The following PLEKHM1 variants were observed in gnomAD, a reference collection of about 807,000 sequenced individuals.
PLEKHM1 encodes the protein pleckstrin homology domain-containing family M member 1.
Under a neutral mutation model 94.3 loss-of-function variants are expected in PLEKHM1, and 28 were observed. The observed-to-expected ratio is 0.30, with a 90% CI of 0.22 to 0.41. The LOEUF (loss-of-function observed/expected upper bound fraction) is 0.41. Ranked by LOEUF, PLEKHM1 falls within the 10% of genes least tolerant of loss-of-function variation. The pLI, the probability that PLEKHM1 is intolerant of heterozygous loss-of-function variation, is 1.00. For synonymous variants in PLEKHM1, 424 were observed against 581.2 expected, an observed-to-expected ratio of 0.73 and a Z score of 3.89; for missense variants, 907 against 1,358.6, an observed-to-expected ratio of 0.67 and a Z score of 5.22.
In PLEKHM1 at chr17:45,475,664, G is replaced by T; in HGVS notation, c.359C>A (p.Ala120Glu). ...FVNTDVGRCRAWLRLALNDGL... is the reference protein window; with the variant it reads ...FVNTDVGRCREWLRLALNDGL... Reference sequence around the variant, plus strand: ...ATCGTTCAGGGCCAGCCGCAGCCATGCCCGGCAGCGGCCCACATCCGTGTT... The same window carrying T: ...ATCGTTCAGGGCCAGCCGCAGCCATTCCCGGCAGCGGCCCACATCCGTGTT... The change falls in exon 4 of 12, where the codon GCA (alanine) becomes GAA (glutamate). Residue 120 changes from alanine (A) to glutamate (E), a missense_variant. This residue lies in a region of PLEKHM1 where 176 missense variants were observed against 306.0 expected (regional missense o/e 0.58). Coordinates refer to ENST00000430334, the MANE Select transcript of PLEKHM1 (RefSeq NM_014798.3). 6.2e-7 allele frequency: 1 copy of T among 1,613,924 alleles called. No individual in the cohort carries two copies. The highest frequency in any genetic ancestry group is 8.5e-7 in the Non-Finnish European group (1 of 1,179,956).
intron 5 of PLEKHM1, among the ~76,000 whole-genome samples, chr17:45,461,823 C>T (rs1162069839): frequency 6.6e-6 from 1 of 152,080 alleles, no homozygotes; most frequent in Non-Finnish European, 1.5e-5. Context: ...GATGGGGTTG[C>T]GGGGAGCATC....
At chr17:45,482,618 T>G in intron 1 of PLEKHM1, 93 bp from the exon 2 acceptor site, 4 of 739,346 alleles carry the variant, frequency 5.4e-6, no homozygotes, top group Non-Finnish European at 9.8e-6. Context: ...CAGCCTCTCT[T>G]ACTCAAACTG....
At position 45,475,457 on chromosome 17, in the gene PLEKHM1, G is replaced by A. The variant is rs764148119; in HGVS notation, c.566C>T (p.Thr189Met). ...CCCAGACAGGGCCAATGGGGTGAGC[G>A]TCCACTCATTTAAGATGGCAGACTT... ...SYKSAILNEW[T>M]LTPLALSGLC... Residue 189 changes from threonine (T) to methionine (M), a missense_variant, in exon 4 of 12, where the codon ACG (threonine) becomes ATG (methionine). Thr to Met is a moderately conservative substitution (Grantham distance 81). Coordinates refer to ENST00000430334, the MANE Select transcript of PLEKHM1 (RefSeq NM_014798.3). 3.7e-6 allele frequency: 6 copies of A among 1,611,768 alleles called. No individual in the cohort carries two copies. The highest frequency in any genetic ancestry group is 3.3e-5 in the Admixed American group (2 of 59,938).
intron 11 of PLEKHM1, among the ~76,000 whole-genome samples, chr17:45,438,864 T>C (rs2050352056): frequency 1.3e-5 from 2 of 152,170 alleles, no homozygotes; most frequent in South Asian, 2.1e-4. Context: ...GCCAAGATGG[T>C]ATAATTTTAA....
Position 45,458,284 on chromosome 17 carries a change from G to C in PLEKHM1, c.1464C>G (p.Asn488Lys). The C allele has an allele frequency of 1.9e-6, 3 of 1,612,330 alleles. No homozygotes were observed. Among genetic ancestry groups the C allele is most frequent in the Middle Eastern group, 1.7e-4 (1 of 6,052 alleles). The stretch of plus-strand genomic sequence containing the variant: ...CTTGGTCTAACGCCCCCAGGGAGCA[G>C]TTTTTTCTTGGTTCTTGAGAAAAAT... ...HRHFSQEPRK[N>K]CSLGALDQAC... Residue 488 changes from asparagine to lysine, a missense_variant, in exon 6 of 12, where the codon AAC (asparagine) becomes AAG (lysine). Coordinates refer to ENST00000430334, the MANE Select transcript of PLEKHM1 (RefSeq NM_014798.3).
chr17:45,479,435 G>A (rs571696075), intron 2 of PLEKHM1, among the ~76,000 whole-genome samples: 4 of 151,510 alleles, frequency 2.6e-5, no homozygotes, highest in Non-Finnish European at 4.4e-5. Flanking sequence ...GGAGAATGGC[G>A]TGAACTCAGG....
intron 5 of PLEKHM1, among the ~76,000 whole-genome samples, chr17:45,464,461 A>G (rs553977376): frequency 1.3e-5 from 2 of 152,338 alleles, no homozygotes; most frequent in African/African-American, 4.8e-5. Context: ...GCTAACTGAT[A>G]GAAGTACAGA....
chr17:45,486,584 ATT>A (rs1567811086), intron 1 of PLEKHM1, among the ~76,000 whole-genome samples: 4 of 150,366 alleles, frequency 2.7e-5, no homozygotes, highest in Non-Finnish European at 5.9e-5. Context: ...AAAAAAAAAA[ATT>A]AATAATAATA....
In PLEKHM1 at chr17:45,437,323, C is replaced by T. The variant is rs1326397172; in HGVS notation, c.*535G>A. On this transcript the variant is annotated 3_prime_UTR_variant, in exon 12 of 12. Transcript: ENST00000430334. The surrounding 1 kb of genome is among the most constrained non-coding windows in gnomAD (Gnocchi z 4.0). ...AGACCCTGTCCCAGCAGTGGCCTGC[C>T]CACCAGCCACCCGCTACCTCTAAGC... The T allele has an allele frequency of 4.4e-6, 2 of 454,158 alleles. No individual in the cohort carries two copies. Among genetic ancestry groups the T allele is most frequent in the Non-Finnish European group, 8.8e-6 (2 of 226,810 alleles). The allele number at this position is 454,158 out of a possible 1,614,324, so 28.1% of individuals were successfully genotyped here. A position where few individuals can be genotyped will look rare whatever the true frequency, so the allele number is the denominator to read the frequency against.
chr17:45,460,959 A>G (rs551732880), intron 5 of PLEKHM1, among the ~76,000 whole-genome samples: 2 of 152,152 alleles, frequency 1.3e-5, no homozygotes, highest in Admixed American at 1.3e-4. Context: ...ATCCTGGCTC[A>G]CTGCAAGCTC....
intron 1 of PLEKHM1, among the ~76,000 whole-genome samples, chr17:45,485,502 C>T (rs2052082415): frequency 6.6e-6 from 1 of 152,156 alleles, no homozygotes; most frequent in African/African-American, 2.4e-5. Flanking sequence ...ATTAAGACCT[C>T]ATTAACTAAT....
chr17:45,437,658 G>C lies in PLEKHM1; in HGVS notation c.*200C>G, dbSNP rs929502324. On this transcript the variant is annotated 3_prime_UTR_variant, in exon 12 of 12. Transcript: ENST00000430334. This position sits in a 1 kb window ranked among gnomAD's most constrained non-coding sequence, Gnocchi z 4.0. ...GTGGCCACGCCTCCTGCAGCAGAGG[G>C]GTGGGGGGAGGGCCAGGGGACACCA... 1 of 688,442 alleles carries C rather than the reference G, an allele frequency of 1.5e-6. No individual in the cohort carries two copies. The highest frequency in any genetic ancestry group is 1.8e-5 in the African/African-American group (1 of 56,892). 42.6% of individuals were successfully genotyped at this position (688,442 alleles called of 1,614,324 possible).
Position 45,456,502 on chromosome 17 carries a change from G to A in PLEKHM1, c.1579+1667C>T, listed in dbSNP as rs538202677. On this transcript the variant is annotated intron_variant, in intron 6 of 11. Transcript: ENST00000430334. ...TCCGCCAGCCTGGAATAGCCTTGGA[G>A]ATTTCACACTATTCTATGGGGGTTC... 5 of 152,412 alleles carry A rather than the reference G, an allele frequency of 3.3e-5. No individual in the cohort carries two copies. In the South Asian group the frequency reaches 1.0e-3, roughly 32 times the overall value. 9.4% of individuals were successfully genotyped at this position (152,412 alleles called of 1,614,324 possible). A position where few individuals can be genotyped will look rare whatever the true frequency, so the allele number is the denominator to read the frequency against.
intron 5 of PLEKHM1, among the ~76,000 whole-genome samples, chr17:45,467,732 G>C (rs2051361083): frequency 6.6e-6 from 1 of 152,172 alleles, no homozygotes; most frequent in South Asian, 2.1e-4. Flanking sequence ...CTGCACTCCA[G>C]CCTGGGCAAC....
In PLEKHM1 at chr17:45,480,479, G is replaced by A. The variant is rs527753482; in HGVS notation, c.48+1958C>T. On this transcript the variant is annotated intron_variant, in intron 2 of 11. Transcript: ENST00000430334. ...AGCCTGGGCAGCAGAGGGAGACTCC[G>A]TCTCAAAAAAACAAAAAAACAAAAA... 1.9e-3 allele frequency among the ~76,000 whole-genome samples: 289 copies of A among 150,948 alleles called. 8 individuals carry two copies. The highest frequency in any genetic ancestry group is 0.016 in the Admixed American group (235 of 15,038).
Position 45,477,533 on chromosome 17 carries a change from G to T in PLEKHM1, c.296+367C>A, listed in dbSNP as rs562546186. The T allele has an allele frequency of 8.3e-6, 3 of 359,434 alleles. No homozygotes were observed. In the Admixed American group the frequency reaches 1.1e-4, roughly 14 times the overall value. The allele number at this position is 359,434 out of a possible 1,614,324, so 22.3% of individuals were successfully genotyped here. On this transcript the variant is annotated intron_variant, in intron 3 of 11. Transcript: ENST00000430334. ...CAGCCCTTCTGTAAAGGGCCAGATA[G>T]TATATTCTTCAGGCTTTGCAGGCCA...
chr17:45,483,525 C>A (rs2052021993), intron 1 of PLEKHM1, among the ~76,000 whole-genome samples: 1 of 151,470 alleles, frequency 6.6e-6, no homozygotes, highest in Admixed American at 6.6e-5. Context: ...CTTGGACAGA[C>A]CTGGGCCAGG....
chr17:45,469,275 G>T (rs2051422111), intron 4 of PLEKHM1, among the ~76,000 whole-genome samples: 1 of 152,152 alleles, frequency 6.6e-6, no homozygotes, highest in South Asian at 2.1e-4. Context: ...TCTATGGTGG[G>T]ACTGCCACTC....
chr17:45,449,185 A>G (rs1234639025), intron 8 of PLEKHM1, among the ~76,000 whole-genome samples: 4 of 150,830 alleles, frequency 2.7e-5, no homozygotes, highest in African/African-American at 7.3e-5. Context: ...TGGGCCTCAT[A>G]GGGTTGGCAA....
Sources: gnomAD v4.1 joint callset for allele counts (sites outside exome capture counted in the v4.1 genomes callset) on GRCh38, gnomAD v4.1.1 for gene constraint, gnomAD v4.1.1 regional missense constraint, Gnocchi (gnomAD v3.1) non-coding constraint, MANE v1.5 for transcripts, NCBI Gene and HGNC (gene_info 2026-07-23, HGNC 2026-07-21) for gene names.